The following ROBO2 variants were observed in gnomAD, a reference collection of about 807,000 sequenced individuals.
ROBO2 encodes roundabout homolog 2.
In ROBO2, 53 loss-of-function variants were observed where a neutral mutation model predicts 160.8. The ratio of observed to expected loss-of-function variants is 0.33; its 90% CI spans 0.26 to 0.41. The LOEUF is 0.41. Among genes scored for constraint, ROBO2 ranks in the 10% least tolerant of loss-of-function variants. The pLI, the probability that ROBO2 is intolerant of heterozygous loss-of-function variation, is 1.00. For synonymous variants in ROBO2, 664 were observed against 611.7 expected, an observed-to-expected ratio of 1.09 and a Z score of -1.26; for missense variants, 1,577 against 1,722.4, an observed-to-expected ratio of 0.92 and a Z score of 1.49.
chr3:76,075,271 G>A (rs2068608880), intron 2 of ROBO2, among the ~76,000 whole-genome samples: 1 of 151,748 alleles, frequency 6.6e-6, no homozygotes, highest in African/African-American at 2.4e-5. Context: ...GCCAGGGGAG[G>A]ATGAACGATT....
intron 2 of ROBO2, among the ~76,000 whole-genome samples, chr3:76,931,628 A>G (rs1158621530): frequency 1.3e-5 from 2 of 151,886 alleles, no homozygotes; most frequent in East Asian, 3.9e-4. Context: ...GGTCATCAGC[A>G]ATACTTTTAA....
intron 2 of ROBO2, among the ~76,000 whole-genome samples, chr3:77,137,422 C>G (rs2076367814): frequency 1.3e-5 from 2 of 151,866 alleles, no homozygotes; most frequent in Admixed American, 1.3e-4. Flanking sequence ...GACGGGGTGT[C>G]TCCGTGTTGG....
At chr3:77,559,685 GT>G (rs1163044514) in intron 9 of ROBO2, among the ~76,000 whole-genome samples, 1 of 152,040 alleles carries the variant, frequency 6.6e-6, no homozygotes, top group Non-Finnish European at 1.5e-5. Context: ...ATGGGAATAT[GT>G]TTACAATTAT....
chr3:76,939,137 A>G (rs1478349030), intron 2 of ROBO2, among the ~76,000 whole-genome samples: 1 of 152,128 alleles, frequency 6.6e-6, no homozygotes, highest in Non-Finnish European at 1.5e-5. Context: ...CAGCTGCATG[A>G]CTCTGAGTAA....
chr3:77,235,257 T>C (rs1187209640), intron 2 of ROBO2, among the ~76,000 whole-genome samples: 1 of 152,196 alleles, frequency 6.6e-6, no homozygotes, highest in Non-Finnish European at 1.5e-5. Flanking sequence ...CATTCAATGC[T>C]ATTGTTTTTA....
intron 2 of ROBO2, among the ~76,000 whole-genome samples, chr3:76,779,207 A>G (rs1406094249): frequency 1.3e-5 from 2 of 151,042 alleles, no homozygotes; most frequent in Non-Finnish European, 1.5e-5. Flanking sequence ...AAAAAGTTGT[A>G]CATATTTAAT....
intron 2 of ROBO2, among the ~76,000 whole-genome samples, chr3:76,877,344 TA>T (rs2148718654): frequency 6.6e-6 from 1 of 152,348 alleles, no homozygotes; most frequent in South Asian, 2.1e-4. Context: ...ACGACGCTGT[TA>T]GGCCAAAATC....
chr3:76,446,997 T>G (rs2077216386), intron 2 of ROBO2, among the ~76,000 whole-genome samples: 1 of 152,154 alleles, frequency 6.6e-6, no homozygotes, highest in African/African-American at 2.4e-5. Context: ...ACTTCATGTC[T>G]AAAACACCAA....
chr3:76,431,043 GT>G (rs1248170026), intron 2 of ROBO2, among the ~76,000 whole-genome samples: 6 of 151,978 alleles, frequency 3.9e-5, no homozygotes, highest in African/African-American at 1.4e-4. Flanking sequence ...TTATAAGGGG[GT>G]TTTGTTCATT....
At chr3:76,669,570 C>G (rs779776374) in intron 2 of ROBO2, among the ~76,000 whole-genome samples, 3 of 152,038 alleles carry the variant, frequency 2.0e-5, no homozygotes, top group Non-Finnish European at 4.4e-5. Context: ...CCTGCCTGCC[C>G]CCTTCCTTTA....
intron 1 of ROBO2, among the ~76,000 whole-genome samples, chr3:75,929,855 C>G (rs1390748796): frequency 6.6e-6 from 1 of 152,024 alleles, no homozygotes; most frequent in Non-Finnish European, 1.5e-5. Flanking sequence ...CCACCACACC[C>G]AGCTAATTTT....
At chr3:76,187,201 A>T (rs1357377143) in intron 2 of ROBO2, among the ~76,000 whole-genome samples, 3 of 152,048 alleles carry the variant, frequency 2.0e-5, no homozygotes, top group Non-Finnish European at 2.9e-5. Flanking sequence ...TGGAATCATC[A>T]CCTGAGTATT....
intron 2 of ROBO2, among the ~76,000 whole-genome samples, chr3:76,724,997 G>A (rs939238504): frequency 2.0e-5 from 3 of 152,084 alleles, no homozygotes; most frequent in African/African-American, 4.8e-5. Flanking sequence ...CAAGCAGCAT[G>A]TTTTTCCCTA....
In ROBO2 at chr3:77,132,697, A is replaced by ATT. The variant is rs549376606; in HGVS notation, c.388+34369_388+34370dup. Among the ~76,000 whole-genome samples, 84 of 146,480 alleles carry ATT rather than the reference A, an allele frequency of 5.7e-4. 1 individual carries two copies. The highest frequency in any genetic ancestry group is 1.0e-3 in the Admixed American group (15 of 14,574). ...GTCACTACATCTCTTTTGGCCACTG[A>ATT]TTTTTTTTTTTTTAAGTACAAGAGT... On this transcript the variant is annotated intron_variant, in intron 2 of 25. Transcript: ENST00000461745.
At chr3:76,853,858 C>A (rs2069694123) in intron 2 of ROBO2, among the ~76,000 whole-genome samples, 1 of 151,974 alleles carries the variant, frequency 6.6e-6, no homozygotes, top group Non-Finnish European at 1.5e-5. Flanking sequence ...TATCTGGTAG[C>A]TTCACATGAT....
chr3:76,670,349 C>G (rs887822576), intron 2 of ROBO2, among the ~76,000 whole-genome samples: 1 of 146,712 alleles, frequency 6.8e-6, no homozygotes, highest in Non-Finnish European at 1.5e-5. Context: ...TAGTTTCTTT[C>G]AGGTGTGTTT....
At chr3:77,349,620 G>A (rs2068077860) in intron 2 of ROBO2, among the ~76,000 whole-genome samples, 1 of 152,130 alleles carries the variant, frequency 6.6e-6, no homozygotes, top group African/African-American at 2.4e-5. Context: ...AGACATAGAG[G>A]CACTTCAAGA....
intron 2 of ROBO2, among the ~76,000 whole-genome samples, chr3:76,484,945 ACTATCTGTG>A (rs2079412751): frequency 6.6e-6 from 1 of 152,092 alleles, no homozygotes; most frequent in South Asian, 2.1e-4. Context: ...TATTTGGTCA[ACTATCTGTG>A]CTTTTCATTC....
At chr3:77,275,552 T>C (rs1280880364) in intron 2 of ROBO2, among the ~76,000 whole-genome samples, 7 of 152,164 alleles carry the variant, frequency 4.6e-5, no homozygotes, top group African/African-American at 1.7e-4. Context: ...AGTGAAGAAA[T>C]AGAAAGCTTG....
Sources: gnomAD v4.1 joint callset for allele counts (sites outside exome capture counted in the v4.1 genomes callset) on GRCh38, gnomAD v4.1.1 for gene constraint, MANE v1.5 for transcripts, NCBI Gene and HGNC (gene_info 2026-07-23, HGNC 2026-07-21) for gene names.